The following WWC1 variants were observed in gnomAD, a reference collection of about 807,000 sequenced individuals.
WWC1 encodes the protein protein KIBRA.
A neutral mutation model predicts 138.4 loss-of-function variants in WWC1; 55 were observed. The observed-to-expected ratio is 0.40, with a 90% CI of 0.32 to 0.50. The LOEUF is 0.50. Ranked by LOEUF, WWC1 falls within the 20% of genes least tolerant of loss-of-function variation. The pLI, the probability that WWC1 is intolerant of heterozygous loss-of-function variation, is 0.72. For synonymous variants in WWC1, 524 were observed against 564.9 expected (o/e 0.93, Z 1.03); for missense variants, 1,226 against 1,420.4 (o/e 0.86, Z 2.20).
rs575673034 is a variant in WWC1 at position 168,381,205 on chromosome 5, G to A, written c.230-4006G>A. ...AGACCATGAGCCACAAAAAATGGTC[G>A]CCAAGCCACCTGGCTTGGCCAGACC... is the stretch of plus-strand genomic sequence containing the variant. On this transcript the variant is annotated intron_variant, in intron 2 of 22. Coordinates refer to ENST00000265293, the MANE Select transcript of WWC1 (RefSeq NM_015238.3). 3.9e-5 allele frequency among the ~76,000 whole-genome samples: 6 copies of A among 152,032 alleles called. No homozygotes were observed. The East Asian group carries it at 9.7e-4, about 24-fold the overall frequency.
intron 15 of WWC1, among the ~76,000 whole-genome samples, chr5:168,433,443 A>G (rs1437406871): frequency 6.6e-6 from 1 of 152,390 alleles, no homozygotes; most frequent in African/African-American, 2.4e-5. Context: ...ACAACACAGC[A>G]TCACTGCTAT....
At chr5:168,308,159 G>A (rs1489272253) in intron 1 of WWC1, among the ~76,000 whole-genome samples, 3 of 152,200 alleles carry the variant, frequency 2.0e-5, no homozygotes, top group Non-Finnish European at 2.9e-5. Context: ...GGCTTTAGCC[G>A]TGCATGGGTT....
At chr5:168,329,137 G>A (rs773259233) in intron 1 of WWC1, among the ~76,000 whole-genome samples, 2 of 152,190 alleles carry the variant, frequency 1.3e-5, no homozygotes, top group Non-Finnish European at 2.9e-5. Flanking sequence ...ATCTCAGTCA[G>A]GAAGAAAGTC....
intron 1 of WWC1, among the ~76,000 whole-genome samples, chr5:168,347,162 G>T (rs1774548251): frequency 6.6e-6 from 1 of 152,170 alleles, no homozygotes; most frequent in South Asian, 2.1e-4. Context: ...AGTGACAAGG[G>T]TCCTCCTCAG....
chr5:168,438,535 G>T (rs1754457197), intron 15 of WWC1, among the ~76,000 whole-genome samples: 2 of 152,320 alleles, frequency 1.3e-5, no homozygotes, highest in South Asian at 4.1e-4. Context: ...AAATGACTCA[G>T]TCTCGGGTAT....
At chr5:168,424,848 C>T (rs1781380666) in intron 11 of WWC1, among the ~76,000 whole-genome samples, 1 of 152,186 alleles carries the variant, frequency 6.6e-6, no homozygotes, top group Non-Finnish European at 1.5e-5. Context: ...ATCTGACTCC[C>T]ATTCTGCATG....
chr5:168,469,143 A>G lies in WWC1; in HGVS notation c.*126A>G. 1 of 1,140,036 alleles carries G rather than the reference A, an allele frequency of 8.8e-7. No homozygotes were observed. The highest frequency in any genetic ancestry group is 2.5e-5 in the East Asian group (1 of 40,638). 70.6% of individuals were successfully genotyped at this position (1,140,036 alleles called of 1,614,324 possible). On this transcript the variant is annotated 3_prime_UTR_variant, in exon 23 of 23. Coordinates refer to ENST00000265293, the MANE Select transcript of WWC1 (RefSeq NM_015238.3). ...GTCCTCTAGTGCTCTTGTTGGTTTG[A>G]AGATGAACCGACTTTTTAGTTTGGG...
chr5:168,348,411 A>G (rs1774658998), intron 1 of WWC1, among the ~76,000 whole-genome samples: 1 of 152,158 alleles, frequency 6.6e-6, no homozygotes, highest in Non-Finnish European at 1.5e-5. Flanking sequence ...GGCTCCTTTA[A>G]TCCACAGCCG....
chr5:168,441,964 A>T, intron 16 of WWC1, 130 bp downstream of exon 16: 1 of 1,332,786 alleles, frequency 7.5e-7, no homozygotes, highest in Non-Finnish European at 9.9e-7. Context: ...AAGTAGGAGA[A>T]GAAGACAGGG....
At chr5:168,320,278 G>A (rs1342490759) in intron 1 of WWC1, among the ~76,000 whole-genome samples, 1 of 152,122 alleles carries the variant, frequency 6.6e-6, no homozygotes, top group African/African-American at 2.4e-5. Context: ...CAGGTGATCT[G>A]CCTGGCTTGG....
intron 3 of WWC1, among the ~76,000 whole-genome samples, chr5:168,395,302 C>A (rs1228875045): frequency 6.6e-6 from 1 of 152,164 alleles, no homozygotes; most frequent in East Asian, 1.9e-4. Context: ...AACAGACGTC[C>A]CCCGCTCCGC....
chr5:168,300,514 C>A (rs952806560), intron 1 of WWC1, among the ~76,000 whole-genome samples: 1 of 143,354 alleles, frequency 7.0e-6, no homozygotes, highest in Non-Finnish European at 1.5e-5. Context: ...GAAATGAGAT[C>A]TTTCAGTTTC....
chr5:168,389,467 A>G (rs904315762), intron 3 of WWC1, among the ~76,000 whole-genome samples: 5 of 147,806 alleles, frequency 3.4e-5, no homozygotes, highest in Non-Finnish European at 7.4e-5. Flanking sequence ...AAAAAAAAAG[A>G]AAGAAAAAAA....
At chr5:168,404,272 T>A (rs530371176) in intron 5 of WWC1, among the ~76,000 whole-genome samples, 1 of 152,372 alleles carries the variant, frequency 6.6e-6, no homozygotes, top group African/African-American at 2.4e-5. Context: ...GCAGGGCCAC[T>A]GCCTGTCCCG....
At chr5:168,317,115 G>A (rs1771671431) in intron 1 of WWC1, among the ~76,000 whole-genome samples, 1 of 152,190 alleles carries the variant, frequency 6.6e-6, no homozygotes, top group Non-Finnish European at 1.5e-5. Context: ...AGATGAGGCA[G>A]CTGTGGCCCA....
At chr5:168,416,634 C>A (rs1432161047) in intron 9 of WWC1, 2 of 152,190 alleles carry the variant, frequency 1.3e-5, no homozygotes, top group Non-Finnish European at 2.9e-5. Context: ...CCACAGCCAG[C>A]AGCTGAAGAG....
chr5:168,466,280 G>A (rs1354420569), intron 21 of WWC1, among the ~76,000 whole-genome samples: 1 of 151,968 alleles, frequency 6.6e-6, no homozygotes, highest in African/African-American at 2.4e-5. Context: ...AAACAATATG[G>A]GACCAATATG....
intron 2 of WWC1, among the ~76,000 whole-genome samples, chr5:168,380,893 A>C (rs1777577515): frequency 6.6e-6 from 1 of 152,188 alleles, no homozygotes; most frequent in Non-Finnish European, 1.5e-5. Flanking sequence ...CAAGGCCCTA[A>C]GAGCAAATAA....
chr5:168,449,939 C>T (rs2152880589), intron 17 of WWC1, among the ~76,000 whole-genome samples: 1 of 152,342 alleles, frequency 6.6e-6, no homozygotes, highest in East Asian at 1.9e-4. Context: ...GGCCCCTCCA[C>T]AGCCGCAGTC....
Sources: allele counts gnomAD v4.1 joint callset (sites outside exome capture counted in the v4.1 genomes callset), GRCh38; gene constraint gnomAD v4.1.1; transcripts MANE v1.5; gene names NCBI Gene and HGNC (gene_info 2026-07-23, HGNC 2026-07-21).